BPIFB2: variants seen among roughly 807,000 people sequenced by gnomAD.
BPIFB2 encodes BPI fold-containing family B member 2.
BPIFB2 carries 39 observed loss-of-function variants against 50.1 expected under a neutral mutation model. The ratio of observed to expected loss-of-function variants is 0.78; its 90% CI spans 0.60 to 1.02. The LOEUF (loss-of-function observed/expected upper bound fraction) is 1.02, where lower values mean the gene tolerates loss of function less well. Among genes scored for constraint, BPIFB2 ranks in the 50% least tolerant of loss-of-function variants. BPIFB2 has a pLI of 0.00. For synonymous variants in BPIFB2, 280 were observed against 256.3 expected (o/e 1.09, Z -0.88); for missense variants, 574 against 585.8 (o/e 0.98, Z 0.21).
At position 33,019,539 on chromosome 20, in the gene BPIFB2, C is replaced by T. The variant is rs142469574; in HGVS notation, c.910-41C>T. 1,512 of 1,536,828 alleles carry T rather than the reference C, an allele frequency of 9.8e-4. 16 individuals are homozygous for T. The African/African-American group carries it at 0.018, about 18-fold the overall frequency. Reference sequence around the variant, plus strand: ...AGTGACTGACCAGAGAGCCCGCCAGCCGCTGCCTCAGCAGGGCCTCCTCCG... The same window carrying T: ...AGTGACTGACCAGAGAGCCCGCCAGTCGCTGCCTCAGCAGGGCCTCCTCCG... On this transcript the variant is annotated intron_variant, in intron 10 of 15. Transcript: ENST00000170150.
Position 33,018,347 on chromosome 20 carries a change from C to T in BPIFB2, c.666C>T (p.Val222=). The T allele has an allele frequency of 6.2e-7, 1 of 1,612,110 alleles. No homozygotes were observed. Among genetic ancestry groups the T allele is most frequent in the Admixed American group, 1.7e-5 (1 of 60,006 alleles). ...CCAGTGACTACATTTCCCTGGAAGT[C>T]AATGTAAGTGCCTCCTGGCCAGCCC... ...TVTSDYISLE[V]NAVLFLLGKP... Residue 222 remains valine, a synonymous_variant, in exon 8 of 16, where the codon GTC becomes GTT. Coordinates refer to ENST00000170150, the MANE Select transcript of BPIFB2 (RefSeq NM_025227.3).
chr20:33,014,746 G>GCGTAAACCCATTCACACTTGTGT (rs1978347745), intron 5 of BPIFB2, among the ~76,000 whole-genome samples: 1 of 152,236 alleles, frequency 6.6e-6, no homozygotes, highest in Non-Finnish European at 1.5e-5. Context: ...GGATGTGGCT[G>GCGTAAACCCATTCACACTTGTGT]CGTAAACCCA....
intron 14 of BPIFB2, 146 bp from the exon 15 acceptor site, chr20:33,021,576 GC>G: frequency 1.1e-6 from 1 of 912,354 alleles, no homozygotes; most frequent in Non-Finnish European, 1.7e-6. Context: ...TTCTCTCTGA[GC>G]CCCAGCTTCC....
intron 7 of BPIFB2, among the ~76,000 whole-genome samples, 166 bp downstream of exon 7, chr20:33,017,268 G>T (rs956694959): frequency 1.3e-5 from 2 of 152,166 alleles, no homozygotes; most frequent in South Asian, 4.1e-4. Flanking sequence ...CATGAAATCT[G>T]GGAATCTCCA....
intron 7 of BPIFB2, 94 bp from the exon 8 acceptor site, chr20:33,018,165 A>G: frequency 1.0e-6 from 1 of 965,546 alleles, no homozygotes. Context: ...TAATCAGGGT[A>G]ATCAGACAAT....
At position 33,023,562 on chromosome 20, in the gene BPIFB2, CT is replaced by C. The variant is rs1978762183; in HGVS notation, c.*182del. The C allele has an allele frequency of 4.4e-6, 3 of 679,186 alleles. No homozygotes were observed. The Admixed American group carries it at 6.8e-5, about 15-fold the overall frequency. 42.1% of individuals were successfully genotyped at this position (679,186 alleles called of 1,614,324 possible). On this transcript the variant is annotated 3_prime_UTR_variant, in exon 16 of 16. Coordinates refer to ENST00000170150, the MANE Select transcript of BPIFB2 (RefSeq NM_025227.3). Reference sequence around the variant, plus strand: ...TGGGTCTCCCTCCCTCACTTCTGCCCTTTCCCTTCCTCCTCCTCTTCTCCTC... The same window carrying C: ...TGGGTCTCCCTCCCTCACTTCTGCCCTTCCCTTCCTCCTCCTCTTCTCCTC...
At chr20:33,012,716 G>A (rs770834672) in intron 3 of BPIFB2, 87 bp from the exon 4 acceptor site, 16 of 1,003,480 alleles carry the variant, frequency 1.6e-5, no homozygotes, top group African/African-American at 4.8e-5. Context: ...TTATAACATC[G>A]TGTGGGTATG....
intron 14 of BPIFB2, 129 bp downstream of exon 14, chr20:33,021,473 A>T: frequency 1.8e-6 from 2 of 1,105,430 alleles, no homozygotes; most frequent in Non-Finnish European, 2.6e-6. Flanking sequence ...TCTGGAGTCT[A>T]GCAGCCCATG....
At position 33,018,689 on chromosome 20, in the gene BPIFB2, C is replaced by A; in HGVS notation, c.722C>A (p.Pro241His). 1 of 1,614,206 alleles carries A rather than the reference C, an allele frequency of 6.2e-7. No homozygotes were observed. The highest frequency in any genetic ancestry group is 8.5e-7 in the Non-Finnish European group (1 of 1,180,032). The change falls in exon 9 of 16, where the codon CCT becomes CAT. Residue 241 changes from proline to histidine, a missense_variant. Pro to His is a moderately conservative substitution (Grantham distance 77, BLOSUM62 -2). Coordinates refer to ENST00000170150, the MANE Select transcript of BPIFB2 (RefSeq NM_025227.3). ...KPIILPTDATPFVLPRHVGTE... is the reference protein window; with the variant it reads ...KPIILPTDATHFVLPRHVGTE... ...ATCATCCTGCCCACGGATGCCACCC[C>A]TTTTGTGTTGCCAAGGCATGTGGGT...
intron 5 of BPIFB2, 121 bp from the exon 6 acceptor site, chr20:33,015,315 T>C (rs1337225314): frequency 1.3e-6 from 1 of 789,110 alleles, no homozygotes; most frequent in Non-Finnish European, 2.0e-6. Flanking sequence ...GGGCATCGAA[T>C]GGAATTGATT....
At position 33,013,808 on chromosome 20, in the gene BPIFB2, A is replaced by G; in HGVS notation, c.309-2A>G. 2 of 1,612,514 alleles carry G rather than the reference A, an allele frequency of 1.2e-6. No individual in the cohort carries two copies. The highest frequency in any genetic ancestry group is 8.5e-7 in the Non-Finnish European group (1 of 1,179,618). ...TCGGGCTCAGGACTGGCATCCCTAC[A>G]GCGCCCCAGAGCCCCTGGAGCTGAC... On this transcript the variant is annotated splice_acceptor_variant, in intron 4 of 15. Coordinates refer to ENST00000170150, the MANE Select transcript of BPIFB2 (RefSeq NM_025227.3). LOFTEE classifies it high-confidence loss of function.
chr20:33,020,425 T>G, intron 12 of BPIFB2, 30 bp downstream of exon 12: 5 of 1,611,882 alleles, frequency 3.1e-6, no homozygotes, highest in Middle Eastern at 1.7e-4. Flanking sequence ...CCCAGCAGCC[T>G]CAGTGTGTTC....
intron 6 of BPIFB2, among the ~76,000 whole-genome samples, chr20:33,016,454 G>A (rs190683524): frequency 8.7e-4 from 132 of 152,180 alleles, no homozygotes; most frequent in African/African-American, 2.8e-3. Context: ...TCTTCCTCTC[G>A]ACCTCGCCCT....
At chr20:33,018,957 G>A in intron 9 of BPIFB2, 105 bp from the exon 10 acceptor site, 1 of 1,581,652 alleles carries the variant, frequency 6.3e-7, no homozygotes, top group Non-Finnish European at 8.7e-7. Context: ...CTGTTGGAAG[G>A]GTTAAACGGG....
chr20:33,018,685 A>G lies in BPIFB2; in HGVS notation c.718A>G (p.Thr240Ala). 6.2e-7 allele frequency: 1 copy of G among 1,613,940 alleles called. No individual in the cohort carries two copies. Among genetic ancestry groups the G allele is most frequent in the Non-Finnish European group, 8.5e-7 (1 of 1,179,970 alleles). ...GCCCATCATCCTGCCCACGGATGCCACCCCTTTTGTGTTGCCAAGGCATGT... is the reference window on the plus strand; with the variant it reads ...GCCCATCATCCTGCCCACGGATGCCGCCCCTTTTGTGTTGCCAAGGCATGT... ...GKPIILPTDA[T>A]PFVLPRHVGT... is the part of the protein sequence containing the mutation. Residue 240 changes from threonine (T) to alanine (A), a missense_variant, in exon 9 of 16, where the codon ACC (threonine) becomes GCC (alanine). Transcript: ENST00000170150.
intron 4 of BPIFB2, 69 bp downstream of exon 4, chr20:33,012,976 C>G: frequency 3.0e-6 from 4 of 1,342,558 alleles, no homozygotes; most frequent in Non-Finnish European, 4.2e-6. Context: ...AGTGAGGGGA[C>G]GGGGGGTAGC....
chr20:33,018,246 T>C lies in BPIFB2; in HGVS notation c.578-13T>C, dbSNP rs1014793962. ...ATATGCCATCTTTTCTTCTCTACCC[T>C]GGTTTCATGAAGGCCTCAACCCCGT... On this transcript the variant is annotated splice_polypyrimidine_tract_variant and intron_variant, in intron 7 of 15. Coordinates refer to ENST00000170150, the MANE Select transcript of BPIFB2 (RefSeq NM_025227.3). 1.3e-6 allele frequency: 2 copies of C among 1,590,538 alleles called. No homozygotes were observed. Among genetic ancestry groups the C allele is most frequent in the Non-Finnish European group, 8.6e-7 (1 of 1,160,058 alleles).
rs539324385 is a variant in BPIFB2, at chr20:33,018,367, C to T, written c.669+17C>T. 6.3e-7 allele frequency: 1 copy of T among 1,592,474 alleles called. No individual in the cohort carries two copies. The highest frequency in any genetic ancestry group is 8.6e-7 in the Non-Finnish European group (1 of 1,161,380). On this transcript the variant is annotated intron_variant, in intron 8 of 15. Coordinates refer to ENST00000170150, the MANE Select transcript of BPIFB2 (RefSeq NM_025227.3). ...GAAGTCAATGTAAGTGCCTCCTGGC[C>T]AGCCCAGAGCTGGGGGCTTGCTGCC...
At chr20:33,021,247 G>A in intron 13 of BPIFB2, 34 bp from the exon 14 acceptor site, 1 of 1,611,258 alleles carries the variant, frequency 6.2e-7, no homozygotes, top group Non-Finnish European at 8.5e-7. Context: ...CCCTCGGCTG[G>A]GACGGGCCCA....
Sources: allele counts gnomAD v4.1 joint callset (sites outside exome capture counted in the v4.1 genomes callset), GRCh38; gene constraint gnomAD v4.1.1; transcripts MANE v1.5; gene names NCBI Gene and HGNC (gene_info 2026-07-23, HGNC 2026-07-21).